Variants in FBXW7 observed in about 807,000 individuals in gnomAD.
FBXW7 encodes F-box/WD repeat-containing protein 7.
A neutral mutation model predicts 86.3 loss-of-function variants in FBXW7; 11 were observed. The ratio of observed to expected loss-of-function variants is 0.13; its 90% CI spans 0.08 to 0.21. The LOEUF (loss-of-function observed/expected upper bound fraction) is 0.21, where lower values mean the gene tolerates loss of function less well. Among genes scored for constraint, FBXW7 ranks in the 10% least tolerant of loss-of-function variants. The pLI is 1.00. For missense variants in FBXW7, 488 were observed against 847.4 expected (o/e 0.58, Z 5.27); for synonymous variants, 313 against 297.9 (o/e 1.05, Z -0.52).
intron 2 of FBXW7, among the ~76,000 whole-genome samples, chr4:152,467,975 T>TC (rs138582691): frequency 0.014 from 2,068 of 151,708 alleles, 24 homozygotes; most frequent in Middle Eastern, 0.037. Context: ...AAAAAGATAA[T>TC]CTTTTTTTTT....
chr4:152,339,456 A>G (rs571121502), intron 6 of FBXW7, among the ~76,000 whole-genome samples: 2 of 152,338 alleles, frequency 1.3e-5, no homozygotes, highest in Non-Finnish European at 2.9e-5. Context: ...ATAGTGATCA[A>G]TCTCCACTCA....
intron 2 of FBXW7, among the ~76,000 whole-genome samples, chr4:152,476,298 T>A (rs2149661465): frequency 1.3e-5 from 2 of 152,242 alleles, no homozygotes; most frequent in Middle Eastern, 3.4e-3. Context: ...GAACCTGAAC[T>A]CTACCTCATA....
At chr4:152,339,073 TTCTTC>T (rs1285107186) in intron 6 of FBXW7, among the ~76,000 whole-genome samples, 22 of 152,326 alleles carry the variant, frequency 1.4e-4, no homozygotes, top group South Asian at 6.2e-4. Context: ...TACAATGAAC[TTCTTC>T]TCTTCTTTCT....
At chr4:152,490,530 CA>C (rs1745742037) in intron 2 of FBXW7, among the ~76,000 whole-genome samples, 1 of 151,916 alleles carries the variant, frequency 6.6e-6, no homozygotes, top group Non-Finnish European at 1.5e-5. Flanking sequence ...AAGAAACAGG[CA>C]AAAAGCAGAT....
chr4:152,496,601 C>G (rs1007573662), intron 2 of FBXW7, among the ~76,000 whole-genome samples: 28 of 151,632 alleles, frequency 1.8e-4, no homozygotes, highest in Non-Finnish European at 2.1e-4. Context: ...TCACTCGAAA[C>G]AGGGAGGCGG....
chr4:152,371,665 G>GT (rs1734017072), intron 4 of FBXW7, among the ~76,000 whole-genome samples: 1 of 152,032 alleles, frequency 6.6e-6, no homozygotes, highest in African/African-American at 2.4e-5. Context: ...ATGACACACT[G>GT]TATGTTGGCA....
intron 2 of FBXW7, among the ~76,000 whole-genome samples, chr4:152,422,149 C>T (rs150900826): frequency 6.6e-6 from 1 of 152,054 alleles, no homozygotes; most frequent in Non-Finnish European, 1.5e-5. Context: ...AAGTGATAAC[C>T]TGATGCTTTA....
chr4:152,341,981 A>C (rs1303477779), intron 6 of FBXW7, among the ~76,000 whole-genome samples: 1 of 152,166 alleles, frequency 6.6e-6, no homozygotes, highest in Admixed American at 6.5e-5. Flanking sequence ...TTATCTGCAA[A>C]AGCAGAGTGT....
intron 6 of FBXW7, among the ~76,000 whole-genome samples, chr4:152,341,330 C>T (rs984512761): frequency 6.6e-6 from 1 of 152,196 alleles, no homozygotes; most frequent in African/African-American, 2.4e-5. Context: ...CACTCAGCTT[C>T]ACAGCATCTT....
At chr4:152,446,992 C>T (rs971148909) in intron 2 of FBXW7, among the ~76,000 whole-genome samples, 7 of 152,060 alleles carry the variant, frequency 4.6e-5, no homozygotes, top group Non-Finnish European at 8.8e-5. Context: ...TAAAAGATTA[C>T]AAATACTAGT....
intron 4 of FBXW7, among the ~76,000 whole-genome samples, chr4:152,392,837 A>G (rs1324456495): frequency 3.3e-5 from 5 of 152,136 alleles, no homozygotes; most frequent in Non-Finnish European, 5.9e-5. Flanking sequence ...TTGGGTGACA[A>G]TTTCCCACCT....
chr4:152,325,958 C>T (rs2126490660), intron 12 of FBXW7, 48 bp downstream of exon 12: 1 of 1,502,738 alleles, frequency 6.7e-7, no homozygotes, highest in South Asian at 1.1e-5. Flanking sequence ...GTAAAACAAC[C>T]TTATGATTCA....
chr4:152,373,923 G>A (rs1229857488), intron 4 of FBXW7, among the ~76,000 whole-genome samples: 2 of 152,064 alleles, frequency 1.3e-5, no homozygotes, highest in African/African-American at 4.8e-5. Context: ...GATGCATGAT[G>A]TGTGAAACAT....
rs954038222 is a variant in FBXW7 at position 152,418,596 on chromosome 4, T to C, written c.-119-6067A>G. ...TTCTGAATGTTCTGACTGTGAAAATTTGACTTGAGAAAAAAGGAAAAAGAT... is the reference window on the plus strand; with the variant it reads ...TTCTGAATGTTCTGACTGTGAAAATCTGACTTGAGAAAAAAGGAAAAAGAT... On this transcript the variant is annotated intron_variant, in intron 2 of 13. Transcript: ENST00000281708. Among the ~76,000 whole-genome samples, 85 of 152,136 alleles carry C rather than the reference T, an allele frequency of 5.6e-4. 5 individuals are homozygous for C. The highest frequency in any genetic ancestry group is 1.5e-5 in the Non-Finnish European group (1 of 68,022).
chr4:152,494,496 A>T (rs1746132932), intron 2 of FBXW7, among the ~76,000 whole-genome samples: 1 of 152,198 alleles, frequency 6.6e-6, no homozygotes, highest in Admixed American at 6.5e-5. Flanking sequence ...CCTTTGAGGT[A>T]ACTTTTTACT....
intron 2 of FBXW7, among the ~76,000 whole-genome samples, chr4:152,465,060 C>T (rs1743276857): frequency 6.6e-6 from 1 of 152,102 alleles, no homozygotes; most frequent in Non-Finnish European, 1.5e-5. Flanking sequence ...GAACCAGTAT[C>T]TCCAAGGTGT....
At position 152,411,523 on chromosome 4, in the gene FBXW7, T is replaced by A. The variant is rs977637174; in HGVS notation, c.281A>T (p.Asn94Ile). The A allele has an allele frequency of 6.2e-7, 1 of 1,613,786 alleles. No individual in the cohort carries two copies. The highest frequency in any genetic ancestry group is 1.3e-5 in the African/African-American group (1 of 74,894). The part of the protein sequence containing the change: ...FISVDEDSSG[N>I]QEEQEEDEEH... ...TTCATCTTCCTCTTGTTCTTCTTGG[T>A]TTCCTGAGGAGTCCTCATCTACCGA... The change falls in exon 4 of 14, where the codon AAC (asparagine) becomes ATC (isoleucine). Residue 94 changes from asparagine to isoleucine, a missense_variant. By Grantham distance (149) the Asn-to-Ile change is moderately radical. This residue lies in a region of FBXW7 where 230 missense variants were observed against 240.0 expected (regional missense o/e 0.96). Transcript: ENST00000281708.
At chr4:152,324,532 G>T in intron 12 of FBXW7, 138 bp from the exon 13 acceptor site, 2 of 665,396 alleles carry the variant, frequency 3.0e-6, no homozygotes, top group Non-Finnish European at 5.2e-6. Flanking sequence ...AAGATAAAGT[G>T]GCAATGAGGA....
Position 152,510,088 on chromosome 4 carries a change from CACAG to C in FBXW7, c.-120+24849_-120+24852del, listed in dbSNP as rs3083257. ...TCTCAACAGTGATGACTGGGTAGCA[CACAG>C]ACAAAGATGTTCACTGCAGCATTTT... On this transcript the variant is annotated intron_variant, in intron 2 of 13. Transcript: ENST00000281708. Among the ~76,000 whole-genome samples, 138 of 152,252 alleles carry C rather than the reference CACAG, an allele frequency of 9.1e-4. 1 individual carries two copies. Among genetic ancestry groups the C allele is most frequent in the African/African-American group, 3.2e-3 (133 of 41,546 alleles).
Sources: gnomAD v4.1 joint callset for allele counts (sites outside exome capture counted in the v4.1 genomes callset) on GRCh38, gnomAD v4.1.1 for gene constraint, gnomAD v4.1.1 regional missense constraint, MANE v1.5 for transcripts, NCBI Gene and HGNC (gene_info 2026-07-23, HGNC 2026-07-21) for gene names.